The following VWF variants were observed in gnomAD, a reference collection of about 807,000 sequenced individuals.
VWF encodes Factor VIII related antigen.
A neutral mutation model predicts 308.6 loss-of-function variants in VWF; 176 were observed. The ratio of observed to expected loss-of-function variants is 0.57; its 90% CI spans 0.50 to 0.65. The LOEUF is 0.65. VWF is among the 30% of genes least tolerant of loss of function. The pLI is 0.00. For missense variants in VWF, 3,146 were observed against 3,648.2 expected, an observed-to-expected ratio of 0.86 and a Z score of 3.55; for synonymous variants, 1,385 against 1,443.4, an observed-to-expected ratio of 0.96 and a Z score of 0.92.
intron 10 of VWF, 68 bp downstream of exon 10, chr12:6,071,229 G>A (rs376948605): frequency 3.3e-4 from 528 of 1,577,092 alleles, no homozygotes; most frequent in Non-Finnish European, 4.4e-4. Flanking sequence ...CTCCCTGTCT[G>A]GTAAGAGAGG....
intron 43 of VWF, among the ~76,000 whole-genome samples, chr12:5,973,670 T>C (rs2136360589): frequency 6.6e-6 from 1 of 152,286 alleles, no homozygotes; most frequent in South Asian, 2.1e-4. Flanking sequence ...TTCCCTGGGG[T>C]GGCCCTGTTT....
At chr12:6,069,793 C>T (rs1944761188) in intron 10 of VWF, among the ~76,000 whole-genome samples, 1 of 152,230 alleles carries the variant, frequency 6.6e-6, no homozygotes, top group Non-Finnish European at 1.5e-5. Flanking sequence ...CTTACATCCT[C>T]AGCAAAGTCA....
rs3741906 is a variant in VWF at position 5,995,977 on chromosome 12, C to T, written c.6063+25G>A. The T allele has an allele frequency of 0.087, 140,060 of 1,607,240 alleles. 6,840 individuals carry two copies. The highest frequency in any genetic ancestry group is 0.22 in the East Asian group (9,793 of 44,794). ...TTCCTGACATTCTATTGCCTTACCA[C>T]GGATCCACAGAAAGTACTTCTCACC... is the stretch of plus-strand genomic sequence containing the variant. On this transcript the variant is annotated intron_variant, in intron 35 of 51. Coordinates refer to ENST00000261405, the MANE Select transcript of VWF (RefSeq NM_000552.5).
At chr12:5,998,454 C>T (rs1278259949) in intron 34 of VWF, among the ~76,000 whole-genome samples, 23 of 106,846 alleles carry the variant, frequency 2.2e-4, no homozygotes, top group African/African-American at 8.3e-4. Context: ...GCCGAGATTC[C>T]GAGACTCCGT....
chr12:5,962,770 T>G (rs11063957), intron 47 of VWF, among the ~76,000 whole-genome samples: 1 of 151,934 alleles, frequency 6.6e-6, no homozygotes, highest in Non-Finnish European at 1.5e-5. Flanking sequence ...ACGATGGTCT[T>G]GATCTCTTGA....
At chr12:5,990,899 AAAAAAAAAAT>A (rs1413587590) in intron 38 of VWF, among the ~76,000 whole-genome samples, 4 of 41,336 alleles carry the variant, frequency 9.7e-5, no homozygotes, top group South Asian at 1.1e-3. Context: ...AAAAAAAAAA[AAAAAAAAAAT>A]TTTGATGACT....
chr12:6,037,607 C>T (rs1172928498), intron 18 of VWF, among the ~76,000 whole-genome samples: 3 of 152,216 alleles, frequency 2.0e-5, no homozygotes, highest in African/African-American at 7.2e-5. Context: ...ACGCTTCTGT[C>T]CCGACTCCAA....
chr12:6,062,703 G>A (rs1944668025), intron 13 of VWF, among the ~76,000 whole-genome samples: 1 of 152,076 alleles, frequency 6.6e-6, no homozygotes, highest in Non-Finnish European at 1.5e-5. Context: ...AGCCCCACAA[G>A]AGCCCACCCC....
At chr12:5,980,127 GA>G (rs1943584321) in intron 42 of VWF, among the ~76,000 whole-genome samples, 7 of 114,780 alleles carry the variant, frequency 6.1e-5, no homozygotes, top group South Asian at 7.0e-4. Flanking sequence ...AGGAAGGAAG[GA>G]AGGAAGGAAG....
rs1188567730 is a variant in VWF, at chr12:6,031,459, C to G, written c.2805G>C (p.Glu935Asp). Residue 935 changes from glutamate (E) to aspartate (D), a missense_variant, in exon 21 of 52, where the codon GAG becomes GAC. Coordinates refer to ENST00000261405, the MANE Select transcript of VWF (RefSeq NM_000552.5). ...VTILVEGGEI[E>D]LFDGEVNVKR... ...CTGCACTTACCTCCCCGTCAAACAG[C>G]TCAATCTCTCCTCCCTCCACCAGGA... 6.2e-7 allele frequency: 1 copy of G among 1,614,044 alleles called. No homozygotes were observed. Among genetic ancestry groups the G allele is most frequent in the African/African-American group, 1.3e-5 (1 of 74,902 alleles).
At chr12:6,082,085 G>A (rs1178694158) in intron 6 of VWF, among the ~76,000 whole-genome samples, 1 of 151,856 alleles carries the variant, frequency 6.6e-6, no homozygotes, top group East Asian at 1.9e-4. Context: ...TCTTGCCTCA[G>A]CCTCCTGAGT....
chr12:6,086,603 A>G (rs1944974972), intron 6 of VWF, among the ~76,000 whole-genome samples: 1 of 152,162 alleles, frequency 6.6e-6, no homozygotes, highest in African/African-American at 2.4e-5. Context: ...AAAACTGCCA[A>G]TTAAGTGAAT....
chr12:6,074,487 T>TAA (rs776702305), intron 7 of VWF, among the ~76,000 whole-genome samples: 1,814 of 61,868 alleles, frequency 0.029, 104 homozygotes, highest in African/African-American at 0.08. Context: ...TTCACAGACC[T>TAA]AAAAAAAAAA....
chr12:6,051,878 C>G (rs1018153768), intron 16 of VWF, among the ~76,000 whole-genome samples: 24 of 152,158 alleles, frequency 1.6e-4, no homozygotes. Context: ...TCCCAAAGTG[C>G]TGGGGATTAC....
chr12:6,014,398 TG>T (rs1259740041), intron 31 of VWF, among the ~76,000 whole-genome samples: 1 of 152,144 alleles, frequency 6.6e-6, no homozygotes, highest in Non-Finnish European at 1.5e-5. Flanking sequence ...AGGTGGAAGC[TG>T]GGGTTCCAGT....
intron 37 of VWF, among the ~76,000 whole-genome samples, chr12:5,992,570 G>A (rs1189431617): frequency 6.6e-6 from 1 of 152,218 alleles, no homozygotes; most frequent in Non-Finnish European, 1.5e-5. Flanking sequence ...CCTAACAAAT[G>A]TTGTGAACCT....
chr12:6,000,574 G>A (rs901624847), intron 34 of VWF, among the ~76,000 whole-genome samples: 1 of 152,022 alleles, frequency 6.6e-6, no homozygotes, highest in Non-Finnish European at 1.5e-5. Flanking sequence ...TTGGGAGGCC[G>A]AGGCAGGCGG....
chr12:6,069,413 C>T (rs942961209), intron 10 of VWF, among the ~76,000 whole-genome samples: 3 of 152,140 alleles, frequency 2.0e-5, no homozygotes, highest in African/African-American at 7.2e-5. Context: ...TCATTCTAAT[C>T]CTCCTCCAGG....
chr12:6,000,583 G>A (rs1410119162), intron 34 of VWF, among the ~76,000 whole-genome samples: 2 of 151,970 alleles, frequency 1.3e-5, no homozygotes, highest in African/African-American at 4.8e-5. Flanking sequence ...CGAGGCAGGC[G>A]GATCACGAGG....
Sources: gnomAD v4.1 joint callset for allele counts (sites outside exome capture counted in the v4.1 genomes callset) on GRCh38, gnomAD v4.1.1 for gene constraint, MANE v1.5 for transcripts, NCBI Gene and HGNC (gene_info 2026-07-23, HGNC 2026-07-21) for gene names.